DCLK3: variants seen among roughly 807,000 people sequenced by gnomAD.
DCLK3 encodes doublecortin like kinase 3.
Under a neutral mutation model 46.4 loss-of-function variants are expected in DCLK3, and 30 were observed. The ratio of observed to expected loss-of-function variants is 0.65; its 90% CI spans 0.48 to 0.88. The LOEUF is 0.88. Among genes scored for constraint, DCLK3 ranks in the 40% least tolerant of loss-of-function variants. The pLI is 0.00. For missense variants in DCLK3, 846 were observed against 907.1 expected, an observed-to-expected ratio of 0.93 and a Z score of 0.87; for synonymous variants, 401 against 339.2, an observed-to-expected ratio of 1.18 and a Z score of -2.00.
intron 1 of DCLK3, among the ~76,000 whole-genome samples, chr3:36,763,668 C>T (rs1315670667): frequency 6.6e-6 from 1 of 152,258 alleles, no homozygotes; most frequent in South Asian, 2.1e-4. Flanking sequence ...CCGTGTGACC[C>T]TGGGCAAGGC....
At chr3:36,760,805 A>G (rs1433114796) in intron 1 of DCLK3, among the ~76,000 whole-genome samples, 2 of 152,260 alleles carry the variant, frequency 1.3e-5, no homozygotes. Flanking sequence ...GAATCCATTC[A>G]GCTAAAAGGT....
In DCLK3 at chr3:36,737,533, C is replaced by T. The variant is rs929082284; in HGVS notation, c.1634G>A (p.Arg545His). Residue 545 changes from arginine (R) to histidine (H), a missense_variant, in exon 2 of 5, where the codon CGC becomes CAC. This residue lies in a region of DCLK3 where 247 missense variants were observed against 322.8 expected (regional missense o/e 0.77). Coordinates refer to ENST00000636136, the MANE Select transcript of DCLK3 (RefSeq NM_001394672.2). The surrounding 1 kb of genome is among the most constrained non-coding windows in gnomAD (Gnocchi z 4.4). Reference protein sequence around the residue: ...NFAVVKECRHRETRQAYAMKI... With the variant: ...NFAVVKECRHHETRQAYAMKI... ...CATCGCATAGGCCTGCCTGGTCTCG[C>T]GGTGTCTGCACTCCTTCACGACAGC... 5.6e-6 allele frequency: 9 copies of T among 1,614,034 alleles called. No individual in the cohort carries two copies. Among genetic ancestry groups the T allele is most frequent in the South Asian group, 2.2e-5 (2 of 91,070 alleles).
At chr3:36,752,337 C>T (rs899977840) in intron 1 of DCLK3, among the ~76,000 whole-genome samples, 3 of 152,142 alleles carry the variant, frequency 2.0e-5, no homozygotes, top group Non-Finnish European at 4.4e-5. Context: ...CTTGCTTGGC[C>T]GCACTCCCCA....
At chr3:36,744,833 A>C (rs1435417991) in intron 1 of DCLK3, among the ~76,000 whole-genome samples, 6 of 152,226 alleles carry the variant, frequency 3.9e-5, no homozygotes, top group Admixed American at 6.5e-5. Context: ...ACACTCCAGC[A>C]AACCTAAGCA....
chr3:36,732,541 C>T (rs1575139697), intron 2 of DCLK3, among the ~76,000 whole-genome samples: 1 of 152,222 alleles, frequency 6.6e-6, no homozygotes, highest in Non-Finnish European at 1.5e-5. Context: ...TACATAACAG[C>T]ATTCTCACTG....
intron 1 of DCLK3, among the ~76,000 whole-genome samples, chr3:36,758,606 T>C (rs1272379363): frequency 6.6e-6 from 1 of 152,228 alleles, no homozygotes; most frequent in African/African-American, 2.4e-5. Context: ...CACCACACAT[T>C]AAGCTTGCAG....
chr3:36,728,205 A>G (rs1227013464), intron 2 of DCLK3, among the ~76,000 whole-genome samples: 1 of 152,186 alleles, frequency 6.6e-6, no homozygotes, highest in African/African-American at 2.4e-5. Flanking sequence ...CTCTCCAGTG[A>G]TGCTGAATAA....
At position 36,715,517 on chromosome 3, in the gene DCLK3, A is replaced by G. The variant is rs1424254214; in HGVS notation, c.2265T>C (p.Ala755=). The G allele has an allele frequency of 6.6e-7, 1 of 1,526,498 alleles. No individual in the cohort carries two copies. Among genetic ancestry groups the G allele is most frequent in the Non-Finnish European group, 8.8e-7 (1 of 1,139,372 alleles). 94.6% of individuals were successfully genotyped at this position (1,526,498 alleles called of 1,614,324 possible). ...PPYWDNISDA[A]KDLVSRLLVV... is the part of the protein sequence containing the mutation. ...CCAGCAACCGGCTCACCAGATCTTTAGCAGCTGTTGGAATGAGAGAAGGGG... is the reference window on the plus strand; with the variant it reads ...CCAGCAACCGGCTCACCAGATCTTTGGCAGCTGTTGGAATGAGAGAAGGGG... The change falls in exon 5 of 5, where the codon GCT becomes GCC. Residue 755 remains alanine (A), a synonymous_variant. Transcript: ENST00000636136.
intron 1 of DCLK3, among the ~76,000 whole-genome samples, chr3:36,760,243 G>A (rs1701527037): frequency 1.3e-5 from 2 of 152,146 alleles, no homozygotes; most frequent in South Asian, 2.1e-4. Flanking sequence ...TCCCACAAAG[G>A]ACTCAGGCTT....
At chr3:36,727,805 C>T (rs555339842) in intron 2 of DCLK3, among the ~76,000 whole-genome samples, 1 of 152,338 alleles carries the variant, frequency 6.6e-6, no homozygotes, top group Non-Finnish European at 1.5e-5. Context: ...ATTTCCTCTA[C>T]CTAAGCAGCT....
At position 36,721,736 on chromosome 3, in the gene DCLK3, T is replaced by A. The variant is rs927433497; in HGVS notation, c.1960-77A>T. ...AGGGATACTAATGAAACAACAGCCATGCAAGGTCAAGAAAAGCAAACCATA... is the reference window on the plus strand; with the variant it reads ...AGGGATACTAATGAAACAACAGCCAAGCAAGGTCAAGAAAAGCAAACCATA... On this transcript the variant is annotated intron_variant, in intron 2 of 4. Transcript: ENST00000636136. The A allele has an allele frequency of 1.9e-6, 3 of 1,583,472 alleles. No individual in the cohort carries two copies. The African/African-American group carries it at 4.1e-5, about 21-fold the overall frequency.
chr3:36,747,526 G>T lies in DCLK3; in HGVS notation c.83-8442C>A, dbSNP rs192839560. 5.8e-3 allele frequency among the ~76,000 whole-genome samples: 886 copies of T among 151,968 alleles called. 8 individuals carry two copies. The highest frequency in any genetic ancestry group is 0.02 in the African/African-American group (847 of 41,402). ...GGAAGATAAAGATTATTTTAGTAAGGTTTGTTATGCATATTCCTCTCAGAG... is the reference window on the plus strand; with the variant it reads ...GGAAGATAAAGATTATTTTAGTAAGTTTTGTTATGCATATTCCTCTCAGAG... On this transcript the variant is annotated intron_variant, in intron 1 of 4. Transcript: ENST00000636136.
chr3:36,715,590 G>T, intron 4 of DCLK3, 69 bp from the exon 5 acceptor site: 1 of 1,482,342 alleles, frequency 6.7e-7, no homozygotes, highest in Non-Finnish European at 9.0e-7. Flanking sequence ...CCCCACACAT[G>T]AAATAAGAAC....
chr3:36,724,595 C>A (rs527337918), intron 2 of DCLK3, among the ~76,000 whole-genome samples: 3 of 152,024 alleles, frequency 2.0e-5, no homozygotes, highest in Non-Finnish European at 4.4e-5. Flanking sequence ...ATCAGTCTCA[C>A]GAGATCTGAC....
intron 2 of DCLK3, among the ~76,000 whole-genome samples, chr3:36,735,305 G>T (rs1416484199): frequency 6.6e-6 from 1 of 152,202 alleles, no homozygotes. Context: ...ATCAAAAAGC[G>T]AGTAGAGAAA....
intron 2 of DCLK3, among the ~76,000 whole-genome samples, chr3:36,724,583 G>A (rs559816819): frequency 2.0e-5 from 3 of 152,118 alleles, no homozygotes; most frequent in East Asian, 1.9e-4. Context: ...TCATGATAGC[G>A]AATCAGTCTC....
chr3:36,758,882 C>A (rs1004614453), intron 1 of DCLK3, among the ~76,000 whole-genome samples: 3 of 152,208 alleles, frequency 2.0e-5, no homozygotes, highest in African/African-American at 7.2e-5. Context: ...AGAACCTGAA[C>A]AACAGCTGTT....
chr3:36,757,848 C>A lies in DCLK3; in HGVS notation c.82+6334G>T, dbSNP rs539223604. The stretch of plus-strand genomic sequence containing the variant: ...AGTCATCCCTGACTCCTCTTCCCTT[C>A]CATCCCCTCCCACATCGCAGTCAAC... On this transcript the variant is annotated intron_variant, in intron 1 of 4. Transcript: ENST00000636136. Among the ~76,000 whole-genome samples the A allele has an allele frequency of 2.6e-5, 4 of 152,272 alleles. No individual in the cohort carries two copies. In the East Asian group the frequency reaches 7.7e-4, roughly 29 times the overall value.
At chr3:36,743,423 C>G (rs1235672252) in intron 1 of DCLK3, among the ~76,000 whole-genome samples, 1 of 151,918 alleles carries the variant, frequency 6.6e-6, no homozygotes, top group African/African-American at 2.4e-5. Flanking sequence ...ATATTCTGTC[C>G]CTATATCAAC....
Sources: allele counts gnomAD v4.1 joint callset (sites outside exome capture counted in the v4.1 genomes callset), GRCh38; gene constraint gnomAD v4.1.1; regional missense constraint gnomAD v4.1.1; non-coding constraint Gnocchi (gnomAD v3.1); transcripts MANE v1.5; gene names NCBI Gene and HGNC (gene_info 2026-07-23, HGNC 2026-07-21).